SLC30A8: variants seen among roughly 807,000 people sequenced by gnomAD.
SLC30A8 encodes the protein solute carrier family 30 member 8.
SLC30A8 carries 27 observed loss-of-function variants against 36.9 expected under a neutral mutation model. The ratio of observed to expected loss-of-function variants is 0.73; its 90% confidence interval spans 0.54 to 1.01. SLC30A8 has a LOEUF of 1.01. Among genes scored for constraint, SLC30A8 ranks in the 50% least tolerant of loss-of-function variants. The pLI, the probability that SLC30A8 is intolerant of heterozygous loss-of-function variation, is 0.00. For synonymous variants in SLC30A8, 164 were observed against 172.4 expected, an observed-to-expected ratio of 0.95 and a Z score of 0.38; for missense variants, 439 against 452.0, an observed-to-expected ratio of 0.97 and a Z score of 0.26.
intron 1 of SLC30A8, among the ~76,000 whole-genome samples, chr8:116,982,301 A>G (rs1171454555): frequency 6.6e-6 from 1 of 152,112 alleles, no homozygotes; most frequent in Non-Finnish European, 1.5e-5. Context: ...GCCACTATGA[A>G]TATTCATACA....
intron 2 of SLC30A8, among the ~76,000 whole-genome samples, chr8:117,059,891 GT>G (rs1817979244): frequency 6.6e-6 from 1 of 152,092 alleles, no homozygotes; most frequent in African/African-American, 2.4e-5. Context: ...CAATGGGGTC[GT>G]TTTCCCAGTA....
intron 1 of SLC30A8, among the ~76,000 whole-genome samples, chr8:116,965,386 G>A (rs1814567827): frequency 6.6e-6 from 1 of 152,216 alleles, no homozygotes; most frequent in African/African-American, 2.4e-5. Flanking sequence ...AACAAAATAA[G>A]AGGGAAATGT....
intron 2 of SLC30A8, among the ~76,000 whole-genome samples, chr8:117,124,346 C>A (rs1164361945): frequency 1.3e-5 from 2 of 151,810 alleles, no homozygotes; most frequent in Non-Finnish European, 2.9e-5. Context: ...CTCAGATGCT[C>A]ACAGCTACAA....
intron 1 of SLC30A8, among the ~76,000 whole-genome samples, chr8:116,990,044 C>A (rs567431616): frequency 6.6e-6 from 1 of 152,244 alleles, no homozygotes; most frequent in South Asian, 2.1e-4. Context: ...CCCAGTCATT[C>A]AATTGAATAG....
chr8:117,097,412 A>ATAT (rs1290246133), intron 2 of SLC30A8, among the ~76,000 whole-genome samples: 1 of 120,476 alleles, frequency 8.3e-6, no homozygotes, highest in Non-Finnish European at 1.6e-5. Flanking sequence ...AAAAAAAAAA[A>ATAT]AAAAAAATAT....
At chr8:117,146,079 A>G (rs1821882976) in intron 1 of SLC30A8, among the ~76,000 whole-genome samples, 1 of 152,100 alleles carries the variant, frequency 6.6e-6, no homozygotes, top group African/African-American at 2.4e-5. Flanking sequence ...ATAGTTTGCA[A>G]TTATCTATCA....
chr8:116,965,449 C>G (rs923154682), intron 1 of SLC30A8, among the ~76,000 whole-genome samples: 1 of 152,180 alleles, frequency 6.6e-6, no homozygotes, highest in African/African-American at 2.4e-5. Context: ...CAAGTCAAGA[C>G]ATAAGATACA....
Position 117,119,489 on chromosome 8 carries a change from GA to G in SLC30A8, c.-225-15789del, listed in dbSNP as rs139995627. Among the ~76,000 whole-genome samples the G allele has an allele frequency of 2.6e-3, 389 of 151,984 alleles. 2 individuals are homozygous for G. Among genetic ancestry groups the G allele is most frequent in the African/African-American group, 8.9e-3 (370 of 41,512 alleles). Reference sequence around the variant, plus strand: ...TGTTAGTCCAAGAGGAAGTCAAGGGGAATGAGAGAAGACTACATTCTTTTAG... The same window carrying G: ...TGTTAGTCCAAGAGGAAGTCAAGGGGATGAGAGAAGACTACATTCTTTTAG... On this transcript the variant is annotated intron_variant, in intron 2 of 10. Transcript: ENST00000427715.
At chr8:116,994,683 G>A (rs1815757271) in intron 1 of SLC30A8, among the ~76,000 whole-genome samples, 1 of 152,204 alleles carries the variant, frequency 6.6e-6, no homozygotes, top group South Asian at 2.1e-4. Context: ...TTCAGGAAGT[G>A]GTTACACAGG....
chr8:117,077,278 A>C (rs909082506), intron 2 of SLC30A8, among the ~76,000 whole-genome samples: 4 of 152,176 alleles, frequency 2.6e-5, no homozygotes, highest in African/African-American at 9.7e-5. Context: ...GACAAAGGGA[A>C]AGCCTTAGAT....
rs569214651 is a variant in SLC30A8 at position 117,154,724 on chromosome 8, G to A, written c.418+1634G>A. On this transcript the variant is annotated intron_variant, in intron 3 of 7. Transcript: ENST00000456015. ...AGCTAAGCACCCATTATTTGTCTGT[G>A]TAAAGTTTTACATGTACTTGACCCT... is the stretch of plus-strand genomic sequence containing the variant. Among the ~76,000 whole-genome samples, 17 of 152,292 alleles carry A rather than the reference G, an allele frequency of 1.1e-4. No homozygotes were observed. In the South Asian group the frequency reaches 3.1e-3, roughly 28 times the overall value.
intron 1 of SLC30A8, among the ~76,000 whole-genome samples, chr8:117,021,014 A>G (rs1156860621): frequency 2.0e-5 from 3 of 152,222 alleles, no homozygotes; most frequent in African/African-American, 7.2e-5. Context: ...TCAATGAGAA[A>G]AAGTAGAATG....
intron 2 of SLC30A8, among the ~76,000 whole-genome samples, chr8:117,127,463 GAC>G (rs1820953365): frequency 6.6e-6 from 1 of 152,018 alleles, no homozygotes; most frequent in Non-Finnish European, 1.5e-5. Context: ...TGTTGGAAGA[GAC>G]ATTATTTCTT....
In SLC30A8 at chr8:117,135,214, T is replaced by A. The variant is rs1324693784; in HGVS notation, c.-114T>A. ...GCTCATTATTTTAATTTCTGGAGCC[T>A]TTTAATTTTTTCTTTAGAAAGTGTA... On this transcript the variant is annotated 5_prime_UTR_variant, in exon 1 of 8. Coordinates refer to ENST00000456015, the MANE Select transcript of SLC30A8 (RefSeq NM_173851.3). 5 of 617,708 alleles carry A rather than the reference T, an allele frequency of 8.1e-6. No homozygotes were observed. The highest frequency in any genetic ancestry group is 6.0e-5 in the Admixed American group (2 of 33,456). 38.3% of individuals were successfully genotyped at this position (617,708 alleles called of 1,614,324 possible). A position where few individuals can be genotyped will look rare whatever the true frequency, so the allele number is the denominator to read the frequency against.
chr8:117,071,822 A>G (rs935817130), intron 2 of SLC30A8, among the ~76,000 whole-genome samples: 18 of 152,262 alleles, frequency 1.2e-4, no homozygotes, highest in African/African-American at 4.3e-4. Flanking sequence ...ACTGTATACT[A>G]GATTTACCAT....
intron 1 of SLC30A8, among the ~76,000 whole-genome samples, chr8:116,972,847 T>C (rs772098624): frequency 1.8e-4 from 28 of 152,166 alleles, no homozygotes; most frequent in Non-Finnish European, 3.4e-4. Context: ...TTTTCCTTAT[T>C]AGTAAAAAAG....
At chr8:117,039,126 A>C (rs1817306945) in intron 1 of SLC30A8, 1 of 152,206 alleles carries the variant, frequency 6.6e-6, no homozygotes, top group African/African-American at 2.4e-5. Context: ...CACCTACTGC[A>C]ACCAGACCCC....
chr8:117,041,485 C>G (rs1024002597), intron 2 of SLC30A8, among the ~76,000 whole-genome samples: 2 of 152,110 alleles, frequency 1.3e-5, no homozygotes, highest in East Asian at 1.9e-4. Context: ...GTCAGGAGTT[C>G]GAGACCAGGC....
chr8:116,961,629 CAG>C (rs1040382643), intron 1 of SLC30A8, among the ~76,000 whole-genome samples: 7 of 151,966 alleles, frequency 4.6e-5, no homozygotes, highest in African/African-American at 1.7e-4. Context: ...TTATAAAAAA[CAG>C]AAATTTATTT....
Sources: allele counts gnomAD v4.1 joint callset (sites outside exome capture counted in the v4.1 genomes callset), GRCh38; gene constraint gnomAD v4.1.1; transcripts MANE v1.5; gene names NCBI Gene and HGNC (gene_info 2026-07-23, HGNC 2026-07-21).